ACBD5: variants seen among roughly 807,000 people sequenced by gnomAD.
ACBD5 encodes the protein acyl-CoA-binding domain-containing protein 5.
ACBD5 carries 40 observed loss-of-function variants against 71.8 expected under a neutral mutation model. That is an observed-to-expected ratio of 0.56 (90% CI 0.43 to 0.72). The LOEUF (loss-of-function observed/expected upper bound fraction) is 0.72, where lower values mean the gene tolerates loss of function less well. Ranked by LOEUF, ACBD5 falls within the 30% of genes least tolerant of loss-of-function variation. The pLI is 0.00. For synonymous variants in ACBD5, 229 were observed against 218.6 expected, an observed-to-expected ratio of 1.05 and a Z score of -0.42; for missense variants, 559 against 644.5, an observed-to-expected ratio of 0.87 and a Z score of 1.44.
intron 4 of ACBD5, among the ~76,000 whole-genome samples, chr10:27,227,901 T>C (rs896670889): frequency 6.6e-6 from 1 of 151,882 alleles, no homozygotes; most frequent in Non-Finnish European, 1.5e-5. Flanking sequence ...TTAGTAGAGA[T>C]GGAGTTTCAC....
chr10:27,202,969 CTTTTTTTTT>C (rs775633178), intron 12 of ACBD5, among the ~76,000 whole-genome samples: 18 of 70,780 alleles, frequency 2.5e-4, no homozygotes, highest in African/African-American at 8.9e-4. Flanking sequence ...TCTATATCCT[CTTTTTTTTT>C]TTTTTTTTTT....
rs754632589 is a variant in ACBD5, at chr10:27,210,798, A to G, written c.1204+16T>C. 6 of 1,613,928 alleles carry G rather than the reference A, an allele frequency of 3.7e-6. No individual in the cohort carries two copies. Among genetic ancestry groups the G allele is most frequent in the Non-Finnish European group, 5.1e-6 (6 of 1,179,960 alleles). The stretch of plus-strand genomic sequence containing the variant: ...TAAATCAATAAAGGTGAGGGAAGAA[A>G]AAAGGTAATCCACACCTCTTCCTCT... On this transcript the variant is annotated intron_variant, in intron 9 of 12. Transcript: ENST00000396271.
At position 27,195,893 on chromosome 10, in the gene ACBD5, T is replaced by C. The variant is rs1339485998; in HGVS notation, c.*1537A>G. On this transcript the variant is annotated 3_prime_UTR_variant, in exon 13 of 13. Coordinates refer to ENST00000396271, the MANE Select transcript of ACBD5 (RefSeq NM_145698.5). Reference sequence around the variant, plus strand: ...ATGTTAAACCCAACATCATACATCTTGAGAATGCTTAAAAATTATTTGCTA... The same window carrying C: ...ATGTTAAACCCAACATCATACATCTCGAGAATGCTTAAAAATTATTTGCTA... The C allele has an allele frequency of 2.2e-6, 1 of 453,518 alleles. No homozygotes were observed. Among genetic ancestry groups the C allele is most frequent in the Admixed American group, 2.4e-5 (1 of 42,382 alleles). The allele number at this position is 453,518 out of a possible 1,614,324, so 28.1% of individuals were successfully genotyped here.
At chr10:27,233,319 C>T (rs558206069) in intron 3 of ACBD5, among the ~76,000 whole-genome samples, 3 of 151,672 alleles carry the variant, frequency 2.0e-5, no homozygotes, top group East Asian at 1.9e-4. Flanking sequence ...CCCAGCTACT[C>T]GTGAGGCTGA....
intron 10 of ACBD5, among the ~76,000 whole-genome samples, chr10:27,207,826 C>T (rs2060629499): frequency 6.7e-6 from 1 of 150,026 alleles, no homozygotes; most frequent in Non-Finnish European, 1.5e-5. Flanking sequence ...CCTCTGCTTT[C>T]TGGGTTCAAG....
Position 27,240,180 on chromosome 10 carries a change from A to T in ACBD5, c.181+139T>A, listed in dbSNP as rs766267219. On this transcript the variant is annotated intron_variant, in intron 2 of 12. Coordinates refer to ENST00000396271, the MANE Select transcript of ACBD5 (RefSeq NM_145698.5). This position sits in a 1 kb window ranked among gnomAD's most constrained non-coding sequence, Gnocchi z 4.1. The stretch of plus-strand genomic sequence containing the variant: ...TGGAAGATCAAAAGGTAATTAATTC[A>T]TATTCAATAGCTCCCCTTCCACTAC... 1 of 1,323,392 alleles carries T rather than the reference A, an allele frequency of 7.6e-7. No individual in the cohort carries two copies. The highest frequency in any genetic ancestry group is 1.0e-6 in the Non-Finnish European group (1 of 966,296). 82.0% of individuals were successfully genotyped at this position (1,323,392 alleles called of 1,614,324 possible).
At chr10:27,227,864 C>T (rs142915133) in intron 4 of ACBD5, among the ~76,000 whole-genome samples, 1,943 of 152,180 alleles carry the variant, frequency 0.013, 20 homozygotes, top group Non-Finnish European at 0.022. Context: ...AAGCGCCCGC[C>T]ACCACGCCCA....
chr10:27,197,373 A>G lies in ACBD5; in HGVS notation c.*57T>C, dbSNP rs750270419. 1.3e-6 allele frequency: 2 copies of G among 1,537,694 alleles called. No individual in the cohort carries two copies. The highest frequency in any genetic ancestry group is 2.2e-5 in the South Asian group (2 of 88,988). On this transcript the variant is annotated 3_prime_UTR_variant, in exon 13 of 13. Transcript: ENST00000396271. ...GATTTTCTTGTGAACACCACAATCC[A>G]GTTCATTCTGAGGTCATCCAGTTCC... is the stretch of plus-strand genomic sequence containing the variant.
Position 27,240,277 on chromosome 10 carries a change from T to G in ACBD5, c.181+42A>C, listed in dbSNP as rs140329464. ...AGAAAGTGAAAGGGGGCTTTGGGGC[T>G]CTCTGCAGGAGGCGTCTACAGCCGG... On this transcript the variant is annotated intron_variant, in intron 2 of 12. Coordinates refer to ENST00000396271, the MANE Select transcript of ACBD5 (RefSeq NM_145698.5). The surrounding 1 kb of genome is among the most constrained non-coding windows in gnomAD (Gnocchi z 4.1). The G allele has an allele frequency of 6.2e-7, 1 of 1,613,632 alleles. No homozygotes were observed. The highest frequency in any genetic ancestry group is 2.2e-5 in the East Asian group (1 of 44,868).
At chr10:27,232,845 G>A (rs144019755) in intron 3 of ACBD5, among the ~76,000 whole-genome samples, 71 of 152,126 alleles carry the variant, frequency 4.7e-4, no homozygotes, top group African/African-American at 1.6e-3. Flanking sequence ...TTCCCCGAAG[G>A]AGTTTAACTC....
intron 2 of ACBD5, among the ~76,000 whole-genome samples, chr10:27,235,729 A>C (rs1373272454): frequency 6.6e-6 from 1 of 152,248 alleles, no homozygotes; most frequent in Admixed American, 6.5e-5. Flanking sequence ...TAGATTTCTC[A>C]CTTCCTACCT....
Position 27,222,128 on chromosome 10 carries a change from G to C in ACBD5, c.490+1210C>G, listed in dbSNP as rs1200483456. 2.0e-5 allele frequency among the ~76,000 whole-genome samples: 3 copies of C among 151,916 alleles called. No individual in the cohort carries two copies. In the East Asian group the frequency reaches 5.8e-4, roughly 29 times the overall value. On this transcript the variant is annotated intron_variant, in intron 5 of 12. Coordinates refer to ENST00000396271, the MANE Select transcript of ACBD5 (RefSeq NM_145698.5). ...GTGACAAGGACCGATTTCAGCACAGGAAGATTACTATTCTGAAATGCTGCC... is the reference window on the plus strand; with the variant it reads ...GTGACAAGGACCGATTTCAGCACAGCAAGATTACTATTCTGAAATGCTGCC...
chr10:27,196,301 T>C lies in ACBD5; in HGVS notation c.*1129A>G, dbSNP rs1281144740. On this transcript the variant is annotated 3_prime_UTR_variant, in exon 13 of 13. Transcript: ENST00000396271. ...AGTTTTGGAAGGCATACAGGAAAAG[T>C]CTCCAAGGATCTAAATTGTAGTCTT... 1 of 453,978 alleles carries C rather than the reference T, an allele frequency of 2.2e-6. No individual in the cohort carries two copies. Among genetic ancestry groups the C allele is most frequent in the African/African-American group, 2.0e-5 (1 of 50,002 alleles). 28.1% of individuals were successfully genotyped at this position (453,978 alleles called of 1,614,324 possible). A position where few individuals can be genotyped will look rare whatever the true frequency, so the allele number is the denominator to read the frequency against.
chr10:27,187,938 A>G (rs900453473), intron 13 of ACBD5, among the ~76,000 whole-genome samples: 2 of 152,212 alleles, frequency 1.3e-5, no homozygotes, highest in Admixed American at 6.5e-5. Flanking sequence ...CTTAATAAAT[A>G]TAACTATCAC....
chr10:27,230,518 C>T (rs549502237), intron 4 of ACBD5, among the ~76,000 whole-genome samples: 14 of 152,120 alleles, frequency 9.2e-5, no homozygotes, highest in South Asian at 2.1e-4. Context: ...AAGTCTCTGC[C>T]GGGCATGGTG....
In ACBD5 at chr10:27,240,794, G is replaced by C; in HGVS notation, c.-106C>G. 1 of 1,500,448 alleles carries C rather than the reference G, an allele frequency of 6.7e-7. No individual in the cohort carries two copies. The highest frequency in any genetic ancestry group is 9.1e-7 in the Non-Finnish European group (1 of 1,103,652). The allele number at this position is 1,500,448 out of a possible 1,614,324, so 92.9% of individuals were successfully genotyped here. A position where few individuals can be genotyped will look rare whatever the true frequency, so the allele number is the denominator to read the frequency against. ...CACACCCCCCATTCCGCCGGAGTCCGTCTGTCAGTCCGTGCCCTCCCCACA... is the reference window on the plus strand; with the variant it reads ...CACACCCCCCATTCCGCCGGAGTCCCTCTGTCAGTCCGTGCCCTCCCCACA... On this transcript the variant is annotated 5_prime_UTR_variant, in exon 1 of 13. Coordinates refer to ENST00000396271, the MANE Select transcript of ACBD5 (RefSeq NM_145698.5). This position sits in a 1 kb window ranked among gnomAD's most constrained non-coding sequence, Gnocchi z 4.1.
In ACBD5 at chr10:27,240,682, A is replaced by C; in HGVS notation, c.7T>G (p.Phe3Val). ...ACAGCAAAACAACTCACCGAGAGGAAGAGCATGTCTAGCAGAAGACAGAGG... is the reference window on the plus strand; with the variant it reads ...ACAGCAAAACAACTCACCGAGAGGACGAGCATGTCTAGCAGAAGACAGAGG... ML[F>V]LSFHAGSWES... The change falls in exon 1 of 13, where the codon TTC becomes GTC. Residue 3 changes from phenylalanine to valine, a missense_variant. By Grantham distance (50) the Phe-to-Val change is conservative. Coordinates refer to ENST00000396271, the MANE Select transcript of ACBD5 (RefSeq NM_145698.5). This position sits in a 1 kb window ranked among gnomAD's most constrained non-coding sequence, Gnocchi z 4.1. 2 of 1,550,878 alleles carry C rather than the reference A, an allele frequency of 1.3e-6. No homozygotes were observed. Among genetic ancestry groups the C allele is most frequent in the South Asian group, 2.4e-5 (2 of 84,044 alleles).
intron 8 of ACBD5, among the ~76,000 whole-genome samples, chr10:27,211,836 C>A (rs1231296770): frequency 6.6e-6 from 1 of 152,008 alleles, no homozygotes; most frequent in Non-Finnish European, 1.5e-5. Context: ...ATTAACTGGA[C>A]TTGATGAAGG....
downstream of ACBD5, among the ~76,000 whole-genome samples, chr10:27,190,916 T>C (rs752516518): frequency 1.4e-4 from 22 of 152,138 alleles, no homozygotes; most frequent in Non-Finnish European, 2.9e-4. Flanking sequence ...GTTGGGTGGA[T>C]TGTGGTGCTG....
Sources: allele counts gnomAD v4.1 joint callset (sites outside exome capture counted in the v4.1 genomes callset), GRCh38; gene constraint gnomAD v4.1.1; non-coding constraint Gnocchi (gnomAD v3.1); transcripts MANE v1.5; gene names NCBI Gene and HGNC (gene_info 2026-07-23, HGNC 2026-07-21).